Variants in PACS1 observed in about 807,000 individuals in gnomAD.
PACS1 encodes phosphofurin acidic cluster sorting protein 1.
PACS1 carries 24 observed loss-of-function variants against 115.0 expected under a neutral mutation model. The ratio of observed to expected loss-of-function variants is 0.21; its 90% confidence interval spans 0.15 to 0.29. The LOEUF (loss-of-function observed/expected upper bound fraction) is 0.29. Among genes scored for constraint, PACS1 ranks in the 10% least tolerant of loss-of-function variants. The pLI is 1.00. For missense variants in PACS1, 838 were observed against 1,251.2 expected, an observed-to-expected ratio of 0.67 and a Z score of 4.98; for synonymous variants, 453 against 504.5, an observed-to-expected ratio of 0.90 and a Z score of 1.37.
At chr11:66,079,083 T>G (rs1221194955) in intron 1 of PACS1, among the ~76,000 whole-genome samples, 1 of 152,154 alleles carries the variant, frequency 6.6e-6, no homozygotes, top group Non-Finnish European at 1.5e-5. Context: ...AATTTTTGTA[T>G]TTTTAGTAGA....
At chr11:66,223,300 G>A (rs996054289) in intron 10 of PACS1, among the ~76,000 whole-genome samples, 1 of 151,876 alleles carries the variant, frequency 6.6e-6, no homozygotes, top group African/African-American at 2.4e-5. Context: ...CTCCATGTTG[G>A]CCAGGCTGGT....
At chr11:66,220,844 A>G in intron 9 of PACS1, 53 bp downstream of exon 9, 2 of 1,579,708 alleles carry the variant, frequency 1.3e-6, no homozygotes, top group Non-Finnish European at 1.7e-6. Context: ...TGGCCATAGC[A>G]GTCTCCTGAC....
intron 1 of PACS1, among the ~76,000 whole-genome samples, chr11:66,189,387 G>C (rs967544842): frequency 6.6e-6 from 1 of 152,174 alleles, no homozygotes; most frequent in Admixed American, 6.5e-5. Flanking sequence ...TGGCATAAAG[G>C]TCTGTCTTGT....
chr11:66,215,277 C>G (rs1164514174), intron 4 of PACS1, among the ~76,000 whole-genome samples: 1 of 151,804 alleles, frequency 6.6e-6, no homozygotes, highest in African/African-American at 2.4e-5. Context: ...AAGCACATGG[C>G]CCTGACCAGC....
At chr11:66,175,661 C>T (rs539323977) in intron 1 of PACS1, among the ~76,000 whole-genome samples, 6 of 152,336 alleles carry the variant, frequency 3.9e-5, no homozygotes, top group African/African-American at 7.2e-5. Flanking sequence ...GTGTGCTTAT[C>T]GCTTCCCATA....
Position 66,142,213 on chromosome 11 carries a change from A to C in PACS1, c.357-51273A>C, listed in dbSNP as rs12278133. Among the ~76,000 whole-genome samples the C allele has an allele frequency of 3.6e-3, 547 of 152,242 alleles. 5 individuals carry two copies. Among genetic ancestry groups the C allele is most frequent in the African/African-American group, 0.013 (524 of 41,546 alleles). On this transcript the variant is annotated intron_variant, in intron 1 of 23. Coordinates refer to ENST00000320580, the MANE Select transcript of PACS1 (RefSeq NM_018026.4). Reference sequence around the variant, plus strand: ...GGGATTATGGACATTGTTCTGTACCAATGTGTGCTGGGTGTGCAGTCACTG... The same window carrying C: ...GGGATTATGGACATTGTTCTGTACCCATGTGTGCTGGGTGTGCAGTCACTG...
At chr11:66,075,488 C>T (rs911678921) in intron 1 of PACS1, among the ~76,000 whole-genome samples, 34 of 152,138 alleles carry the variant, frequency 2.2e-4, no homozygotes, top group African/African-American at 7.2e-4. Flanking sequence ...GTGATCCTCC[C>T]GCCTCAGTCT....
In PACS1 at chr11:66,243,267, G is replaced by A; in HGVS notation, c.2879G>A (p.Ser960Asn). 6.3e-7 allele frequency: 1 copy of A among 1,596,480 alleles called. No homozygotes were observed. The highest frequency in any genetic ancestry group is 2.3e-5 in the East Asian group (1 of 43,794). ...KHFPVGLFSG[S>N]KAT ...TTTCCAGTGGGACTCTTCAGTGGCA[G>A]CAAGGCCACCTGAGGCCCTGTCTCC... The change falls in exon 24 of 24, where the codon AGC becomes AAC. Residue 960 changes from serine to asparagine, a missense_variant. Coordinates refer to ENST00000320580, the MANE Select transcript of PACS1 (RefSeq NM_018026.4).
At chr11:66,071,878 T>C (rs1049637572) in intron 1 of PACS1, among the ~76,000 whole-genome samples, 1 of 152,184 alleles carries the variant, frequency 6.6e-6, no homozygotes, top group Non-Finnish European at 1.5e-5. Context: ...CTGGATAATA[T>C]TGTTTTATAT....
chr11:66,242,829 AAGAAG>A, intron 22 of PACS1, 78 bp from the exon 23 acceptor site: 2 of 1,579,608 alleles, frequency 1.3e-6, no homozygotes, highest in Non-Finnish European at 1.7e-6. Flanking sequence ...TCGCCACAGG[AAGAAG>A]GGGACAGTCG....
chr11:66,179,342 C>T (rs973286104), intron 1 of PACS1, among the ~76,000 whole-genome samples: 1 of 152,056 alleles, frequency 6.6e-6, no homozygotes, highest in Non-Finnish European at 1.5e-5. Flanking sequence ...ATGGACTGTT[C>T]CCAGTTTTAT....
chr11:66,140,296 C>T (rs1858947938), intron 1 of PACS1, among the ~76,000 whole-genome samples: 1 of 152,156 alleles, frequency 6.6e-6, no homozygotes, highest in African/African-American at 2.4e-5. Flanking sequence ...TTTGACTGAG[C>T]TCTAGTTCGG....
intron 1 of PACS1, among the ~76,000 whole-genome samples, chr11:66,076,238 C>G (rs898635031): frequency 7.9e-5 from 12 of 152,160 alleles, no homozygotes; most frequent in Non-Finnish European, 7.3e-5. Flanking sequence ...GACACCTTAG[C>G]GGTTATGTGA....
chr11:66,165,998 T>C (rs1859591508), intron 1 of PACS1, among the ~76,000 whole-genome samples: 1 of 152,202 alleles, frequency 6.6e-6, no homozygotes, highest in Non-Finnish European at 1.5e-5. Flanking sequence ...TTGTCCATTA[T>C]TCACCTAGCA....
intron 1 of PACS1, among the ~76,000 whole-genome samples, chr11:66,178,632 TA>T (rs937442902): frequency 7.9e-5 from 12 of 152,050 alleles, no homozygotes; most frequent in Non-Finnish European, 1.3e-4. Context: ...TTTAAAATAA[TA>T]AAATTAAAAT....
intron 1 of PACS1, among the ~76,000 whole-genome samples, chr11:66,101,847 G>A (rs1215924797): frequency 6.6e-6 from 1 of 152,190 alleles, no homozygotes. Flanking sequence ...GTCTCGCTTA[G>A]CATCACTTGC....
intron 1 of PACS1, among the ~76,000 whole-genome samples, chr11:66,126,039 CAAAAAA>C (rs140207931): frequency 2.4e-5 from 3 of 126,948 alleles, no homozygotes; most frequent in Middle Eastern, 3.6e-3. Flanking sequence ...GACTCTGCCT[CAAAAAA>C]AAAAAAAAAA....
intron 1 of PACS1, among the ~76,000 whole-genome samples, chr11:66,131,474 G>T (rs1165845102): frequency 2.0e-5 from 3 of 152,062 alleles, no homozygotes; most frequent in African/African-American, 7.2e-5. Flanking sequence ...TTAATCCTAA[G>T]GCAGTTATAA....
chr11:66,124,323 C>T (rs1858521914), intron 1 of PACS1, among the ~76,000 whole-genome samples: 1 of 152,166 alleles, frequency 6.6e-6, no homozygotes, highest in Admixed American at 6.5e-5. Context: ...AAACTGTGGA[C>T]ATAATGGCTT....
Sources: allele counts gnomAD v4.1 joint callset (sites outside exome capture counted in the v4.1 genomes callset), GRCh38; gene constraint gnomAD v4.1.1; transcripts MANE v1.5; gene names NCBI Gene and HGNC (gene_info 2026-07-23, HGNC 2026-07-21).